RYR2: variants seen among roughly 807,000 people sequenced by gnomAD.
RYR2 encodes ryanodine receptor 2, also known as cardiac muscle ryanodine receptor-calcium release channel.
Under a neutral mutation model 601.1 loss-of-function variants are expected in RYR2, and 227 were observed. That is an observed-to-expected ratio of 0.38 (90% CI 0.34 to 0.42). The LOEUF is 0.42. Ranked by LOEUF, RYR2 falls within the 10% of genes least tolerant of loss-of-function variation. The pLI is 1.00. For synonymous variants in RYR2, 2,223 were observed against 2,175.1 expected, an observed-to-expected ratio of 1.02 and a Z score of -0.61; for missense variants, 4,646 against 6,156.5, an observed-to-expected ratio of 0.75 and a Z score of 8.21.
intron 92 of RYR2, among the ~76,000 whole-genome samples, chr1:237,789,799 T>G (rs1395965936): frequency 6.6e-6 from 1 of 152,244 alleles, no homozygotes; most frequent in Admixed American, 6.5e-5. Flanking sequence ...TGCATGCACA[T>G]GACCAGTCAT....
chr1:237,479,586 G>A (rs1050743730), intron 17 of RYR2, among the ~76,000 whole-genome samples: 1 of 152,142 alleles, frequency 6.6e-6, no homozygotes, highest in Admixed American at 6.5e-5. Context: ...TTGCTCCAGG[G>A]GATCCATCTT....
At chr1:237,425,821 C>T (rs1558797306) in intron 12 of RYR2, among the ~76,000 whole-genome samples, 1 of 151,942 alleles carries the variant, frequency 6.6e-6, no homozygotes, top group African/African-American at 2.4e-5. Context: ...AGTGGACCTG[C>T]ACAGTCCAAA....
intron 2 of RYR2, among the ~76,000 whole-genome samples, chr1:237,291,779 T>C (rs966911141): frequency 2.6e-5 from 4 of 152,088 alleles, no homozygotes; most frequent in Admixed American, 1.3e-4. Context: ...GAGGGATGAA[T>C]AGGTGAGCAC....
At chr1:237,702,110 T>C (rs971265357) in intron 66 of RYR2, 51 bp downstream of exon 66, 1 of 995,700 alleles carries the variant, frequency 1.0e-6, no homozygotes, top group South Asian at 1.4e-5. Flanking sequence ...TCAAGTTTTA[T>C]AACTATTTAT....
intron 37 of RYR2, among the ~76,000 whole-genome samples, chr1:237,615,562 T>TTTA (rs1328342064): frequency 2.0e-5 from 3 of 152,278 alleles, no homozygotes; most frequent in Non-Finnish European, 2.9e-5. Context: ...TAAAGGGTCC[T>TTTA]TTATTAATGT....
At chr1:237,330,631 G>A (rs952347002) in intron 2 of RYR2, among the ~76,000 whole-genome samples, 1 of 152,096 alleles carries the variant, frequency 6.6e-6, no homozygotes, top group African/African-American at 2.4e-5. Flanking sequence ...CAGGTGATCC[G>A]CCCACCTCGG....
chr1:237,604,818 C>A (rs1160091905), intron 35 of RYR2, among the ~76,000 whole-genome samples: 2 of 152,082 alleles, frequency 1.3e-5, no homozygotes, highest in Non-Finnish European at 2.9e-5. Flanking sequence ...ACTAGAAAAT[C>A]TAGAAGAAAT....
intron 1 of RYR2, among the ~76,000 whole-genome samples, chr1:237,259,279 G>A (rs989760356): frequency 1.3e-5 from 2 of 152,048 alleles, no homozygotes; most frequent in South Asian, 2.1e-4. Context: ...AGGCCAAGGC[G>A]GGAGGATCAC....
At chr1:237,082,569 A>G (rs574453361) in intron 1 of RYR2, among the ~76,000 whole-genome samples, 1 of 141,342 alleles carries the variant, frequency 7.1e-6, no homozygotes, top group East Asian at 2.1e-4. Context: ...AATCGGATAT[A>G]AAATCAGAGA....
At chr1:237,122,681 AAAAC>A (rs147076319) in intron 1 of RYR2, among the ~76,000 whole-genome samples, 75,019 of 150,566 alleles carry the variant, frequency 0.5, 20,013 homozygotes, top group Non-Finnish European at 0.59. Flanking sequence ...GACCGTCTCA[AAAAC>A]AAACAAACAA....
At chr1:237,827,414 C>G (rs944506150) in intron 101 of RYR2, among the ~76,000 whole-genome samples, 2 of 152,032 alleles carry the variant, frequency 1.3e-5, no homozygotes, top group African/African-American at 4.8e-5. Flanking sequence ...GCGAGAGGAT[C>G]GCTTGAGCCC....
At chr1:237,427,364 G>A (rs1706281125) in intron 12 of RYR2, among the ~76,000 whole-genome samples, 1 of 152,090 alleles carries the variant, frequency 6.6e-6, no homozygotes, top group Non-Finnish European at 1.5e-5. Flanking sequence ...TAAATGGACT[G>A]TATCACAATT....
intron 19 of RYR2, among the ~76,000 whole-genome samples, chr1:237,494,217 C>A (rs745718251): frequency 6.6e-6 from 1 of 152,058 alleles, no homozygotes; most frequent in Non-Finnish European, 1.5e-5. Context: ...CAAGGACGCC[C>A]GTCTGAGTCC....
intron 1 of RYR2, among the ~76,000 whole-genome samples, chr1:237,254,405 T>C (rs1044998713): frequency 6.6e-6 from 1 of 152,256 alleles, no homozygotes; most frequent in Non-Finnish European, 1.5e-5. Flanking sequence ...TCTTTTCTTG[T>C]GCAGTATTTG....
chr1:237,280,687 AAC>A (rs1690760954), intron 2 of RYR2, among the ~76,000 whole-genome samples: 1 of 152,180 alleles, frequency 6.6e-6, no homozygotes, highest in South Asian at 2.1e-4. Context: ...GAAAATATTT[AAC>A]AGTTTTCTTG....
intron 82 of RYR2, 79 bp from the exon 83 acceptor site, chr1:237,759,697 G>T (rs1184377802): frequency 4.7e-6 from 4 of 851,048 alleles, no homozygotes; most frequent in Non-Finnish European, 6.2e-6. Flanking sequence ...AGAATGGAAA[G>T]CCTGTTTTGG....
intron 59 of RYR2, among the ~76,000 whole-genome samples, 154 bp from the exon 60 acceptor site, chr1:237,674,577 T>A (rs1157730218): frequency 6.6e-6 from 1 of 152,088 alleles, no homozygotes; most frequent in East Asian, 1.9e-4. Flanking sequence ...TACTTTTTCT[T>A]TGAGCTACAA....
chr1:237,061,482 T>C (rs1662887125), intron 1 of RYR2, among the ~76,000 whole-genome samples: 1 of 152,128 alleles, frequency 6.6e-6, no homozygotes, highest in Non-Finnish European at 1.5e-5. Context: ...TGCCAGCTAA[T>C]TTAATTTTTT....
At chr1:237,460,847 A>G (rs1451433986) in intron 16 of RYR2, among the ~76,000 whole-genome samples, 25 of 152,166 alleles carry the variant, frequency 1.6e-4, no homozygotes, top group Admixed American at 1.6e-3. Context: ...TAAATGTTAT[A>G]ATATATAGAA....
Sources: gnomAD v4.1 joint callset for allele counts (sites outside exome capture counted in the v4.1 genomes callset) on GRCh38, gnomAD v4.1.1 for gene constraint, MANE v1.5 for transcripts, NCBI Gene and HGNC (gene_info 2026-07-23, HGNC 2026-07-21) for gene names.